The following CHD7 variants were observed in gnomAD, a reference collection of about 807,000 sequenced individuals.
CHD7 encodes chromodomain helicase DNA binding protein 7.
Under a neutral mutation model 307.3 loss-of-function variants are expected in CHD7, and 24 were observed. The observed-to-expected ratio is 0.08, with a 90% CI of 0.06 to 0.11. CHD7 has a LOEUF of 0.11. Among genes scored for constraint, CHD7 ranks in the 10% least tolerant of loss-of-function variants. CHD7 has a pLI of 1.00. For synonymous variants in CHD7, 1,363 were observed against 1,349.9 expected, an observed-to-expected ratio of 1.01 and a Z score of -0.21; for missense variants, 3,106 against 3,727.1, an observed-to-expected ratio of 0.83 and a Z score of 4.34.
chr8:60,799,718 G>C (rs1812203543), intron 4 of CHD7, among the ~76,000 whole-genome samples: 2 of 146,526 alleles, frequency 1.4e-5, no homozygotes, highest in Non-Finnish European at 3.0e-5. Context: ...ATGTACAAAG[G>C]TAGAGAGAGT....
At chr8:60,680,033 C>T (rs1420892620) in intron 1 of CHD7, among the ~76,000 whole-genome samples, 2 of 151,460 alleles carry the variant, frequency 1.3e-5, no homozygotes, top group Admixed American at 6.6e-5. Context: ...CCTTGTCGAG[C>T]TGGCCGGGCC....
chr8:60,867,126 G>A lies in CHD7; in HGVS notation c.*1193G>A, dbSNP rs562725109. 6.6e-6 allele frequency: 1 copy of A among 152,236 alleles called. No individual in the cohort carries two copies. The highest frequency in any genetic ancestry group is 2.1e-4 in the South Asian group (1 of 4,824). The allele number at this position is 152,236 out of a possible 1,614,324, so 9.4% of individuals were successfully genotyped here. A position where few individuals can be genotyped will look rare whatever the true frequency, so the allele number is the denominator to read the frequency against. On this transcript the variant is annotated 3_prime_UTR_variant, in exon 38 of 38. Coordinates refer to ENST00000423902, the MANE Select transcript of CHD7 (RefSeq NM_017780.4). ...CCACTCCAGATATCTCAACAGAAATGCATACAAAAAGCTCCTATTACTCCC... is the reference window on the plus strand; with the variant it reads ...CCACTCCAGATATCTCAACAGAAATACATACAAAAAGCTCCTATTACTCCC...
chr8:60,702,177 G>C (rs1332613372), intron 1 of CHD7, among the ~76,000 whole-genome samples: 1 of 152,214 alleles, frequency 6.6e-6, no homozygotes, highest in African/African-American at 2.4e-5. Flanking sequence ...GGGGCAGGTG[G>C]TGTGTGGGTG....
chr8:60,838,143 A>G lies in CHD7; in HGVS notation c.4421A>G (p.Asp1474Gly). The G allele has an allele frequency of 1.9e-6, 3 of 1,565,002 alleles. No individual in the cohort carries two copies. Among genetic ancestry groups the G allele is most frequent in the Non-Finnish European group, 2.6e-6 (3 of 1,154,070 alleles). The change falls in exon 19 of 38, where the codon GAT (aspartate) becomes GGT (glycine). Residue 1474 changes from aspartate (D) to glycine (G), a missense_variant. Around this residue, in one of 10 missense-constraint regions of CHD7, gnomAD observed 93 missense variants for 176.4 expected, o/e 0.53. Transcript: ENST00000423902. ...LRKGAYGALMDEEDEGSKFCE... is the reference protein window; with the variant it reads ...LRKGAYGALMGEEDEGSKFCE... ...AAAGGGGCCTATGGTGCACTCATGG[A>G]TGAGGAGGATGAAGGGTCTAAATTC...
intron 1 of CHD7, among the ~76,000 whole-genome samples, chr8:60,728,012 C>G: frequency 6.6e-6 from 1 of 152,242 alleles, no homozygotes; most frequent in East Asian, 1.9e-4. Flanking sequence ...GCACCATTGT[C>G]TCTTACCTGA....
At chr8:60,847,482 G>A (rs1242923817) in intron 23 of CHD7, among the ~76,000 whole-genome samples, 1 of 152,204 alleles carries the variant, frequency 6.6e-6, no homozygotes, top group Non-Finnish European at 1.5e-5. Flanking sequence ...GATCAAAAGG[G>A]CTAGTATAAG....
intron 1 of CHD7, among the ~76,000 whole-genome samples, chr8:60,702,638 G>T (rs977358995): frequency 5.9e-5 from 9 of 152,200 alleles, no homozygotes; most frequent in Non-Finnish European, 1.0e-4. Context: ...CTAGTTGCTG[G>T]TGAATAAAAT....
intron 1 of CHD7, among the ~76,000 whole-genome samples, chr8:60,715,903 T>G (rs1300481035): frequency 6.6e-6 from 1 of 152,242 alleles, no homozygotes. Context: ...GTCCACGCCC[T>G]GTGTCTTCCT....
rs372110761 is a variant in CHD7 at position 60,741,782 on chromosome 8, G to A, written c.350G>A (p.Gly117Asp). ...TPPVPQVPHG[G>D]SGGGQMGVYP... ...CCCGTTCCTCAGGTGCCCCATGGTG[G>A]CAGTGGTGGCGGTCAGATGGGTGTC... is the stretch of plus-strand genomic sequence containing the variant. The change falls in exon 2 of 38, where the codon GGC becomes GAC. Residue 117 changes from glycine to aspartate, a missense_variant. By Grantham distance (94) the Gly-to-Asp change is moderately conservative. Coordinates refer to ENST00000423902, the MANE Select transcript of CHD7 (RefSeq NM_017780.4). 7 of 1,613,796 alleles carry A rather than the reference G, an allele frequency of 4.3e-6. No homozygotes were observed. Among genetic ancestry groups the A allele is most frequent in the Non-Finnish European group, 5.1e-6 (6 of 1,179,870 alleles).
chr8:60,839,233 GT>G (rs1325120428), intron 19 of CHD7, among the ~76,000 whole-genome samples: 1 of 152,168 alleles, frequency 6.6e-6, no homozygotes, highest in Non-Finnish European at 1.5e-5. Context: ...TTAGTATAAT[GT>G]TTTTGAGGTT....
chr8:60,786,013 T>A (rs1811475464), intron 3 of CHD7, among the ~76,000 whole-genome samples: 1 of 152,216 alleles, frequency 6.6e-6, no homozygotes, highest in African/African-American at 2.4e-5. Context: ...CCTTTCAGTG[T>A]TGGTGCCCAT....
intron 3 of CHD7, among the ~76,000 whole-genome samples, chr8:60,785,681 T>G (rs1811456598): frequency 6.6e-6 from 1 of 152,234 alleles, no homozygotes; most frequent in African/African-American, 2.4e-5. Context: ...CTTGTATATG[T>G]AAAATTTCTT....
In CHD7 at chr8:60,837,729, C is replaced by T. The variant is rs770166812; in HGVS notation, c.4247C>T (p.Thr1416Ile). 1.2e-6 allele frequency: 2 copies of T among 1,607,620 alleles called. No homozygotes were observed. The highest frequency in any genetic ancestry group is 1.7e-6 in the Non-Finnish European group (2 of 1,176,538). The change falls in exon 18 of 38, where the codon ACA (threonine) becomes ATA (isoleucine). Residue 1416 changes from threonine to isoleucine, a missense_variant. By Grantham distance (89) the Thr-to-Ile change is moderately conservative (BLOSUM62 -1). Coordinates refer to ENST00000423902, the MANE Select transcript of CHD7 (RefSeq NM_017780.4). ...SKSVKIYRLITRNSYEREMFD... is the reference protein window; with the variant it reads ...SKSVKIYRLIIRNSYEREMFD... ...TCTGTGAAAATCTACAGGCTGATTA[C>T]AAGAAATTCCTATGAAAGGGAAATG...
chr8:60,845,052 T>C lies in CHD7; in HGVS notation c.5039T>C (p.Val1680Ala), dbSNP rs746011394. The C allele has an allele frequency of 6.2e-7, 1 of 1,613,920 alleles. No homozygotes were observed. The highest frequency in any genetic ancestry group is 1.1e-5 in the South Asian group (1 of 91,076). ...GCGGATGGCCAGACTCGAGCCTTGG[T>C]CAACCATTCCGGTAGGTCTCCACCA... ...PTADGQTRAL[V>A]NHSGLSAPVP... Residue 1680 changes from valine (V) to alanine (A), a missense_variant, in exon 22 of 38, where the codon GTC becomes GCC. Transcript: ENST00000423902.
chr8:60,812,317 G>C (rs1010801654), intron 7 of CHD7, among the ~76,000 whole-genome samples: 2 of 152,080 alleles, frequency 1.3e-5, no homozygotes, highest in African/African-American at 4.8e-5. Context: ...TATTGTGTAA[G>C]TCATGGCTCT....
chr8:60,745,450 C>G (rs1438591185), intron 2 of CHD7, among the ~76,000 whole-genome samples: 2 of 152,132 alleles, frequency 1.3e-5, no homozygotes, highest in African/African-American at 2.4e-5. Flanking sequence ...AATCCTTGAC[C>G]AGTGGAGGCT....
In CHD7 at chr8:60,865,583, G is replaced by A. The variant is rs912988587; in HGVS notation, c.8644G>A (p.Gly2882Arg). The A allele has an allele frequency of 4.3e-6, 7 of 1,613,928 alleles. No individual in the cohort carries two copies. In the African/African-American group the frequency reaches 6.7e-5, roughly 15 times the overall value. ...TGTTGGTGCTGCTACTGCCCCGGCT[G>A]GATTGCCCTCAAACCCGCTAGCCTT... Reference protein sequence around the residue: ...GSVGAATAPAGLPSNPLAFNP... With the variant: ...GSVGAATAPARLPSNPLAFNP... Residue 2882 changes from glycine (G) to arginine (R), a missense_variant, in exon 38 of 38, where the codon GGA (glycine) becomes AGA (arginine). This residue lies in a region of CHD7 where 351 missense variants were observed against 366.2 expected (regional missense o/e 0.96). Transcript: ENST00000423902. This position sits in a 1 kb window ranked among gnomAD's most constrained non-coding sequence, Gnocchi z 4.3.
intron 7 of CHD7, among the ~76,000 whole-genome samples, chr8:60,810,207 C>T (rs1014321039): frequency 1.1e-4 from 16 of 152,026 alleles, no homozygotes; most frequent in African/African-American, 3.1e-4. Context: ...AGGCTCATCT[C>T]GTAACTTCCC....
At chr8:60,796,231 G>A (rs533730977) in intron 4 of CHD7, among the ~76,000 whole-genome samples, 32 of 152,346 alleles carry the variant, frequency 2.1e-4, no homozygotes, top group African/African-American at 6.3e-4. Context: ...ACCTTTGGCA[G>A]TGTGGGTTAT....
Sources: gnomAD v4.1 joint callset for allele counts (sites outside exome capture counted in the v4.1 genomes callset) on GRCh38, gnomAD v4.1.1 for gene constraint, gnomAD v4.1.1 regional missense constraint, Gnocchi (gnomAD v3.1) non-coding constraint, MANE v1.5 for transcripts, NCBI Gene and HGNC (gene_info 2026-07-23, HGNC 2026-07-21) for gene names.